TNFSF8: variants seen among roughly 807,000 people sequenced by gnomAD.
TNFSF8 encodes TNF superfamily member 8, also known as tumor necrosis factor ligand superfamily member 8.
TNFSF8 carries 4 observed loss-of-function variants against 22.0 expected under a neutral mutation model. That is an observed-to-expected ratio of 0.18 (90% CI 0.09 to 0.42). The LOEUF is 0.42. Among genes scored for constraint, TNFSF8 ranks in the 10% least tolerant of loss-of-function variants. TNFSF8 has a pLI of 1.00. For synonymous variants in TNFSF8, 106 were observed against 112.5 expected, an observed-to-expected ratio of 0.94 and a Z score of 0.37; for missense variants, 233 against 281.8, an observed-to-expected ratio of 0.83 and a Z score of 1.24.
chr9:114,913,316 G>A (rs897178820), intron 2 of TNFSF8, among the ~76,000 whole-genome samples: 12 of 152,188 alleles, frequency 7.9e-5, no homozygotes, highest in Non-Finnish European at 1.5e-5. Context: ...GTCTTAACTG[G>A]TAGGCAGTGG....
At chr9:114,895,926 A>G (rs1827651303) in intron 4 of TNFSF8, among the ~76,000 whole-genome samples, 2 of 152,242 alleles carry the variant, frequency 1.3e-5, no homozygotes, top group Admixed American at 6.5e-5. Context: ...GTGTTGCCCA[A>G]TATTCCCAAG....
chr9:114,903,920 A>G lies in TNFSF8; in HGVS notation c.*11T>C, dbSNP rs1365888104. ...AGAGGCGCTTTCTTCCTGAAGGCCA[A>G]GAGAAACTGTTCAGTCTGAATTACT... On this transcript the variant is annotated 3_prime_UTR_variant, in exon 4 of 4. Transcript: ENST00000223795. 1 of 1,595,926 alleles carries G rather than the reference A, an allele frequency of 6.3e-7. No homozygotes were observed. Among genetic ancestry groups the G allele is most frequent in the Middle Eastern group, 1.7e-4 (1 of 5,952 alleles).
At chr9:114,907,616 T>C (rs1827800370) in intron 2 of TNFSF8, among the ~76,000 whole-genome samples, 1 of 152,172 alleles carries the variant, frequency 6.6e-6, no homozygotes, top group Admixed American at 6.5e-5. Flanking sequence ...TGACTCCTAC[T>C]GAACTCTCTG....
intron 1 of TNFSF8, among the ~76,000 whole-genome samples, chr9:114,920,755 A>G (rs903424903): frequency 1.3e-5 from 2 of 152,072 alleles, no homozygotes; most frequent in Non-Finnish European, 2.9e-5. Flanking sequence ...TGTAGCCTCC[A>G]TCTCCTGGAT....
intron 2 of TNFSF8, among the ~76,000 whole-genome samples, chr9:114,906,829 G>T (rs1170612864): frequency 6.6e-6 from 1 of 152,114 alleles, no homozygotes; most frequent in Admixed American, 6.5e-5. Flanking sequence ...TTCCTGCAAT[G>T]ACACTTGAAT....
At chr9:114,909,234 T>A (rs547772382) in intron 2 of TNFSF8, among the ~76,000 whole-genome samples, 1 of 152,336 alleles carries the variant, frequency 6.6e-6, no homozygotes, top group Admixed American at 6.5e-5. Flanking sequence ...TATAACTTTC[T>A]TTTTTGGTTA....
intron 1 of TNFSF8, among the ~76,000 whole-genome samples, chr9:114,919,672 A>C (rs1041268981): frequency 1.3e-5 from 2 of 152,144 alleles, no homozygotes; most frequent in Non-Finnish European, 2.9e-5. Context: ...TATGCGAAAA[A>C]ACCAACTTCC....
intron 1 of TNFSF8, 46 bp downstream of exon 1, chr9:114,930,063 G>T: frequency 7.2e-7 from 1 of 1,385,800 alleles, no homozygotes; most frequent in South Asian, 1.8e-5. Flanking sequence ...TCTTTCTCTC[G>T]GGAAAACAAC....
At chr9:114,928,245 C>A (rs1210416056) in intron 1 of TNFSF8, among the ~76,000 whole-genome samples, 5 of 152,098 alleles carry the variant, frequency 3.3e-5, no homozygotes, top group African/African-American at 1.2e-4. Flanking sequence ...AGAGTGGGTG[C>A]AATGTTTCTT....
In TNFSF8 at chr9:114,918,285, G is replaced by A. The variant is rs542934613; in HGVS notation, c.196-147C>T. 4 of 626,084 alleles carry A rather than the reference G, an allele frequency of 6.4e-6. No homozygotes were observed. The East Asian group carries it at 1.2e-4, about 19-fold the overall frequency. 38.8% of individuals were successfully genotyped at this position (626,084 alleles called of 1,614,324 possible). A position where few individuals can be genotyped will look rare whatever the true frequency, so the allele number is the denominator to read the frequency against. On this transcript the variant is annotated intron_variant, in intron 1 of 3. Coordinates refer to ENST00000223795, the MANE Select transcript of TNFSF8 (RefSeq NM_001244.4). ...GAATTTTAAAAATTAATTCACTGATGTAGTTTCCAATGGGCTTTCTATCCA... is the reference window on the plus strand; with the variant it reads ...GAATTTTAAAAATTAATTCACTGATATAGTTTCCAATGGGCTTTCTATCCA...
intron 1 of TNFSF8, among the ~76,000 whole-genome samples, chr9:114,921,655 A>G (rs1259297538): frequency 6.6e-6 from 1 of 152,210 alleles, no homozygotes; most frequent in Non-Finnish European, 1.5e-5. Flanking sequence ...CCCCAGTCCT[A>G]GAATTCTCTC....
In TNFSF8 at chr9:114,901,806, G is replaced by A. The variant is rs552806416; in HGVS notation, c.*2125C>T. 4.1e-6 allele frequency: 4 copies of A among 974,340 alleles called. No individual in the cohort carries two copies. Among genetic ancestry groups the A allele is most frequent in the African/African-American group, 1.8e-5 (1 of 56,958 alleles). 60.4% of individuals were successfully genotyped at this position (974,340 alleles called of 1,614,324 possible). On this transcript the variant is annotated 3_prime_UTR_variant, in exon 4 of 4. Transcript: ENST00000223795. ...AGACTTTACTAAATATTTCATAGAG[G>A]AGACCTAGGAGGAGGTTGACACAGC...
chr9:114,929,387 T>A (rs1011728730), intron 1 of TNFSF8, among the ~76,000 whole-genome samples: 1 of 151,060 alleles, frequency 6.6e-6, no homozygotes, highest in African/African-American at 2.4e-5. Flanking sequence ...ACGCCCTAAC[T>A]TCTTCAAAGT....
chr9:114,916,007 AG>A (rs552264020), intron 2 of TNFSF8, among the ~76,000 whole-genome samples: 690 of 152,336 alleles, frequency 4.5e-3, no homozygotes, highest in Non-Finnish European at 7.2e-3. Context: ...GGTTGTGAAA[AG>A]TTTGGACTTT....
At chr9:114,898,998 T>C (rs1416695867), downstream of TNFSF8, among the ~76,000 whole-genome samples, 1 of 152,090 alleles carries the variant, frequency 6.6e-6, no homozygotes, top group Non-Finnish European at 1.5e-5. Flanking sequence ...CCAGTGCACA[T>C]CTGCAACAGA....
At chr9:114,927,784 C>T (rs759219652) in intron 1 of TNFSF8, among the ~76,000 whole-genome samples, 98 of 152,172 alleles carry the variant, frequency 6.4e-4, no homozygotes, top group Non-Finnish European at 1.2e-3. Context: ...ACCATTAACT[C>T]ATTCCATTTT....
rs930862970 is a variant in TNFSF8 at position 114,930,502 on chromosome 9, T to A, written c.-199A>T. 1.6e-5 allele frequency: 7 copies of A among 446,672 alleles called. No homozygotes were observed. Among genetic ancestry groups the A allele is most frequent in the African/African-American group, 1.4e-4 (7 of 48,812 alleles). The allele number at this position is 446,672 out of a possible 1,614,324, so 27.7% of individuals were successfully genotyped here. On this transcript the variant is annotated 5_prime_UTR_variant, in exon 1 of 4. Transcript: ENST00000223795. ...GGCGGCAGCAAGGGTGGGGGAGAGG[T>A]TCATTTTTCATTGCCAGGGATTAAG...
In TNFSF8 at chr9:114,905,915, C is replaced by T. The variant is rs757674123; in HGVS notation, c.239-16G>A. The T allele has an allele frequency of 1.0e-5, 16 of 1,585,972 alleles. No individual in the cohort carries two copies. The highest frequency in any genetic ancestry group is 5.4e-5 in the African/African-American group (4 of 74,350). ...GAGCAATTTCCTAAAAATAAGGAGACGATGCATTAAAATGTCTTTTGCCGT... is the reference window on the plus strand; with the variant it reads ...GAGCAATTTCCTAAAAATAAGGAGATGATGCATTAAAATGTCTTTTGCCGT... On this transcript the variant is annotated splice_polypyrimidine_tract_variant and intron_variant, in intron 2 of 3. Coordinates refer to ENST00000223795, the MANE Select transcript of TNFSF8 (RefSeq NM_001244.4).
At chr9:114,910,664 A>G (rs1404442484) in intron 2 of TNFSF8, among the ~76,000 whole-genome samples, 1 of 152,196 alleles carries the variant, frequency 6.6e-6, no homozygotes, top group Non-Finnish European at 1.5e-5. Context: ...ATGCCAGCAG[A>G]TGACTTCAGG....
Sources: gnomAD v4.1 joint callset for allele counts (sites outside exome capture counted in the v4.1 genomes callset) on GRCh38, gnomAD v4.1.1 for gene constraint, MANE v1.5 for transcripts, NCBI Gene and HGNC (gene_info 2026-07-23, HGNC 2026-07-21) for gene names.